Variants in SBF1 observed in about 807,000 individuals in gnomAD.
SBF1 encodes SET binding factor 1, also known as myotubularin-related protein 5.
SBF1 carries 65 observed loss-of-function variants against 215.8 expected under a neutral mutation model. That is an observed-to-expected ratio of 0.30 (90% CI 0.25 to 0.37). The LOEUF (loss-of-function observed/expected upper bound fraction) is 0.37. SBF1 is among the 10% of genes least tolerant of loss of function. The pLI is 1.00. For missense variants in SBF1, 2,634 were observed against 2,667.8 expected, an observed-to-expected ratio of 0.99 and a Z score of 0.28; for synonymous variants, 1,410 against 1,122.8, an observed-to-expected ratio of 1.26 and a Z score of -5.11.
intron 1 of SBF1, among the ~76,000 whole-genome samples, chr22:50,473,466 G>A (rs2068063862): frequency 6.6e-6 from 1 of 152,174 alleles, no homozygotes; most frequent in South Asian, 2.1e-4. Flanking sequence ...TAGCAAGCGA[G>A]AACTCCCTCT....
rs769883207 is a variant in SBF1, at chr22:50,456,647, C to T, written c.3931G>A (p.Gly1311Arg). 5 of 1,503,420 alleles carry T rather than the reference C, an allele frequency of 3.3e-6. No homozygotes were observed. In the African/African-American group the frequency reaches 4.2e-5, roughly 13 times the overall value. 93.1% of individuals were successfully genotyped at this position (1,503,420 alleles called of 1,614,324 possible). Residue 1311 changes from glycine to arginine, a missense_variant, in exon 30 of 41, where the codon GGA (glycine) becomes AGA (arginine). Physicochemically the swap from Gly to Arg is moderately radical, Grantham distance 125. Coordinates refer to ENST00000380817, the MANE Select transcript of SBF1 (RefSeq NM_002972.4). ...RGKWGSVRTS[G>R]RSSGLGTDVG... ...TCGGTGCCAAGGCCACTGCTGCGTC[C>T]ACTGGTCCGGACACTGCCCCACTTA...
At chr22:50,460,810 C>A in intron 23 of SBF1, 98 bp from the exon 24 acceptor site, 1 of 1,341,494 alleles carries the variant, frequency 7.5e-7, no homozygotes, top group Non-Finnish European at 1.0e-6. Flanking sequence ...GCAGCCATGA[C>A]AGAGAGAGAA....
At chr22:50,455,614 G>C (rs1442527844) in intron 31 of SBF1, 32 bp from the exon 32 acceptor site, 3 of 1,536,992 alleles carry the variant, frequency 2.0e-6, no homozygotes, top group African/African-American at 1.4e-5. Context: ...GCACCTCGGG[G>C]ACCCACCGCC....
At chr22:50,456,169 G>A (rs996757312) in intron 31 of SBF1, 47 bp downstream of exon 31, 1 of 1,587,996 alleles carries the variant, frequency 6.3e-7, no homozygotes, top group Non-Finnish European at 8.6e-7. Context: ...TACCCAAGGG[G>A]AGGGCCCAGC....
chr22:50,446,863 G>A lies in SBF1; in HGVS notation c.*279C>T, dbSNP rs2066841998. On this transcript the variant is annotated 3_prime_UTR_variant, in exon 41 of 41. Transcript: ENST00000380817. ...TTCTAGAAACTCGCCTGCAGCCGCT[G>A]GCTGGACCAGCACACGCTGACGGGG... is the stretch of plus-strand genomic sequence containing the variant. 1.3e-6 allele frequency: 1 copy of A among 742,808 alleles called. No homozygotes were observed. Among genetic ancestry groups the A allele is most frequent in the Non-Finnish European group, 2.5e-6 (1 of 404,870 alleles). 46.0% of individuals were successfully genotyped at this position (742,808 alleles called of 1,614,324 possible).
chr22:50,451,589 A>C (rs1391681483), intron 36 of SBF1, among the ~76,000 whole-genome samples: 1 of 152,160 alleles, frequency 6.6e-6, no homozygotes, highest in Non-Finnish European at 1.5e-5. Context: ...AATTTGACAA[A>C]AATGATCATC....
chr22:50,463,057 C>T, intron 16 of SBF1, 119 bp from the exon 17 acceptor site: 1 of 1,189,370 alleles, frequency 8.4e-7, no homozygotes, highest in Non-Finnish European at 1.2e-6. Context: ...TTGGCTCCAG[C>T]TCCCCAAGGC....
chr22:50,450,472 G>A (rs1230619903), intron 36 of SBF1, among the ~76,000 whole-genome samples: 2 of 151,490 alleles, frequency 1.3e-5, no homozygotes, highest in African/African-American at 4.9e-5. Flanking sequence ...AGTGAGCCGA[G>A]AGTGCGCCAC....
At chr22:50,459,711 C>G in intron 26 of SBF1, 45 bp from the exon 27 acceptor site, 2 of 1,535,328 alleles carry the variant, frequency 1.3e-6, no homozygotes, top group Admixed American at 4.2e-5. Flanking sequence ...ACCCCACCCG[C>G]CTCCAGGCTC....
chr22:50,460,758 C>T, intron 23 of SBF1, 46 bp from the exon 24 acceptor site: 1 of 1,580,966 alleles, frequency 6.3e-7, no homozygotes, highest in Non-Finnish European at 8.6e-7. Flanking sequence ...GGCCCCCCAG[C>T]CCCTCCCCCA....
chr22:50,456,055 G>C, intron 31 of SBF1, 161 bp downstream of exon 31: 1 of 762,056 alleles, frequency 1.3e-6, no homozygotes. Flanking sequence ...CAGCCTCCCA[G>C]CTGCCTTCTA....
Position 50,460,305 on chromosome 22 carries a change from G to A in SBF1, c.3250C>T (p.Pro1084Ser), listed in dbSNP as rs368077071. ...NPPSWEHRGQPPPEDQEDEIS... is the reference protein window; with the variant it reads ...NPPSWEHRGQSPPEDQEDEIS... ...TCGTCCTCCTGGTCCTCAGGGGGCG[G>A]CTGGCCCCGGTGCTCCCAGCTGGGG... The change falls in exon 25 of 41, where the codon CCG (proline) becomes TCG (serine). Residue 1084 changes from proline (P) to serine (S), a missense_variant. Transcript: ENST00000380817. The A allele has an allele frequency of 3.1e-6, 5 of 1,610,690 alleles. No homozygotes were observed. The highest frequency in any genetic ancestry group is 4.2e-6 in the Non-Finnish European group (5 of 1,177,690).
rs557791373 is a variant in SBF1 at position 50,447,198 on chromosome 22, C to T, written c.5626G>A (p.Val1876Met). ...RRVYNFCAQD[V>M]PSAQQWVDRI... ...TCCACCCACTGCTGGGCCGAGGGCA[C>T]GTCCTGGGCACAGAAGTTGTAAACG... Residue 1876 changes from valine (V) to methionine (M), a missense_variant, in exon 41 of 41, where the codon GTG becomes ATG. Val to Met is a conservative substitution (Grantham distance 21). Coordinates refer to ENST00000380817, the MANE Select transcript of SBF1 (RefSeq NM_002972.4). 2.0e-5 allele frequency: 32 copies of T among 1,613,748 alleles called. No homozygotes were observed. In the East Asian group the frequency reaches 2.0e-4, roughly 10 times the overall value.
chr22:50,455,684 G>A (rs1361020383), intron 31 of SBF1, 102 bp from the exon 32 acceptor site: 11 of 960,440 alleles, frequency 1.1e-5, no homozygotes, highest in African/African-American at 1.6e-5. Context: ...CGGGGAGGCA[G>A]GCCCTGTCCA....
rs2066816689 is a variant in SBF1 at position 50,446,374 on chromosome 22, C to CTCCCGGG, written c.*767_*768insCCCGGGA. The CTCCCGGG allele has an allele frequency of 9.3e-6, 1 of 107,490 alleles. No individual in the cohort carries two copies. Among genetic ancestry groups the CTCCCGGG allele is most frequent in the Non-Finnish European group, 2.0e-5 (1 of 51,082 alleles). 6.7% of individuals were successfully genotyped at this position (107,490 alleles called of 1,614,324 possible). The stretch of plus-strand genomic sequence containing the variant: ...CCCACTGTCCCCCCCCCCCCCCCGC[C>CTCCCGGG]TCCGGCCTCCATCCCTTCAGCTCGG... On this transcript the variant is annotated 3_prime_UTR_variant, in exon 41 of 41. Coordinates refer to ENST00000380817, the MANE Select transcript of SBF1 (RefSeq NM_002972.4).
chr22:50,464,099 G>A (rs2067643575), intron 15 of SBF1, among the ~76,000 whole-genome samples: 1 of 152,232 alleles, frequency 6.6e-6, no homozygotes, highest in Non-Finnish European at 1.5e-5. Flanking sequence ...TCTAAAAATG[G>A]AAGTACATCT....
intron 36 of SBF1, among the ~76,000 whole-genome samples, chr22:50,452,529 G>A (rs895342636): frequency 2.0e-5 from 3 of 151,898 alleles, no homozygotes; most frequent in African/African-American, 7.3e-5. Flanking sequence ...GACTAGCCTG[G>A]CCAACACAGT....
chr22:50,454,586 T>C lies in SBF1; in HGVS notation c.4969A>G (p.Arg1657Gly), dbSNP rs2067173279. ...TAACAGGGCCACACCACGCGGCGCC[T>C]GCTCTGGGGAGCGCCTCCATCAGAC... is the stretch of plus-strand genomic sequence containing the variant. ...ERSDGGAPQS[R>G]RRVVWPCYDS... The change falls in exon 36 of 41, where the codon AGG becomes GGG. Residue 1657 changes from arginine (R) to glycine (G), a missense_variant. Coordinates refer to ENST00000380817, the MANE Select transcript of SBF1 (RefSeq NM_002972.4). 1.9e-6 allele frequency: 3 copies of C among 1,611,194 alleles called. No individual in the cohort carries two copies. The highest frequency in any genetic ancestry group is 2.5e-6 in the Non-Finnish European group (3 of 1,179,296).
Position 50,447,198 on chromosome 22 carries a change from C to A in SBF1, c.5626G>T (p.Val1876Leu). Residue 1876 changes from valine to leucine, a missense_variant, in exon 41 of 41, where the codon GTG becomes TTG. By Grantham distance (32) the Val-to-Leu change is conservative. Coordinates refer to ENST00000380817, the MANE Select transcript of SBF1 (RefSeq NM_002972.4). ...TCCACCCACTGCTGGGCCGAGGGCACGTCCTGGGCACAGAAGTTGTAAACG... is the reference window on the plus strand; with the variant it reads ...TCCACCCACTGCTGGGCCGAGGGCAAGTCCTGGGCACAGAAGTTGTAAACG... ...RRVYNFCAQD[V>L]PSAQQWVDRI... 1 of 1,613,748 alleles carries A rather than the reference C, an allele frequency of 6.2e-7. No homozygotes were observed. The highest frequency in any genetic ancestry group is 1.3e-5 in the African/African-American group (1 of 75,054).
Sources: allele counts gnomAD v4.1 joint callset (sites outside exome capture counted in the v4.1 genomes callset), GRCh38; gene constraint gnomAD v4.1.1; transcripts MANE v1.5; gene names NCBI Gene and HGNC (gene_info 2026-07-23, HGNC 2026-07-21).